ABCA6: variants seen among roughly 807,000 people sequenced by gnomAD.
ABCA6 encodes the protein ATP binding cassette subfamily A member 6.
A neutral mutation model predicts 191.2 loss-of-function variants in ABCA6; 164 were observed. The observed-to-expected ratio is 0.86, with a 90% CI of 0.76 to 0.98. ABCA6 has a LOEUF of 0.98. Among genes scored for constraint, ABCA6 ranks in the 50% least tolerant of loss-of-function variants. ABCA6 has a pLI of 0.00. For missense variants in ABCA6, 1,958 were observed against 1,894.1 expected (o/e 1.03, Z -0.63); for synonymous variants, 636 against 647.7 (o/e 0.98, Z 0.27).
intron 36 of ABCA6, among the ~76,000 whole-genome samples, chr17:69,081,827 G>A (rs1385011707): frequency 6.6e-6 from 1 of 152,200 alleles, no homozygotes; most frequent in Non-Finnish European, 1.5e-5. Flanking sequence ...AGAATAATAT[G>A]AGGTTGGGAG....
chr17:69,133,929 G>A, intron 5 of ABCA6, 62 bp from the exon 6 acceptor site: 1 of 1,140,030 alleles, frequency 8.8e-7, no homozygotes, highest in Non-Finnish European at 1.2e-6. Context: ...TGAACTATGA[G>A]TAAGCTCTGT....
At chr17:69,121,311 C>T (rs567523379) in intron 10 of ABCA6, among the ~76,000 whole-genome samples, 1 of 152,202 alleles carries the variant, frequency 6.6e-6, no homozygotes, top group East Asian at 1.9e-4. Context: ...GACTGCCTTG[C>T]AGCCCCAGAC....
chr17:69,129,214 A>G, intron 7 of ABCA6, among the ~76,000 whole-genome samples: 1 of 152,142 alleles, frequency 6.6e-6, no homozygotes, highest in Admixed American at 6.6e-5. Flanking sequence ...AACGAGAAGT[A>G]AGTATGAGAC....
chr17:69,139,390 C>T (rs1173976080), intron 2 of ABCA6, among the ~76,000 whole-genome samples: 2 of 152,138 alleles, frequency 1.3e-5, no homozygotes, highest in Non-Finnish European at 2.9e-5. Context: ...ATCAAAACCA[C>T]AATGAGATAC....
chr17:69,117,348 A>T (rs2073555657), intron 11 of ABCA6, among the ~76,000 whole-genome samples: 1 of 152,048 alleles, frequency 6.6e-6, no homozygotes, highest in African/African-American at 2.4e-5. Flanking sequence ...GTCCTCCATG[A>T]AATCTAGCTA....
chr17:69,114,853 A>T lies in ABCA6; in HGVS notation c.1691T>A (p.Phe564Tyr), dbSNP rs1454591882. The change falls in exon 13 of 39, where the codon TTC becomes TAC. Residue 564 changes from phenylalanine to tyrosine, a missense_variant. Physicochemically the swap from Phe to Tyr is conservative, Grantham distance 22. Transcript: ENST00000284425. ...GGTGAGTATGTCAAATTGAACATTGAATTGAGGACAGACGCCAGTTATCTT... is the reference window on the plus strand; with the variant it reads ...GGTGAGTATGTCAAATTGAACATTGTATTGAGGACAGACGCCAGTTATCTT... ...IRKITGVCPQFNVQFDILTVK... is the reference protein window; with the variant it reads ...IRKITGVCPQYNVQFDILTVK... 1 of 1,612,754 alleles carries T rather than the reference A, an allele frequency of 6.2e-7. No individual in the cohort carries two copies. The highest frequency in any genetic ancestry group is 8.5e-7 in the Non-Finnish European group (1 of 1,179,166).
chr17:69,098,271 C>T (rs1568007134), intron 22 of ABCA6: 4 of 406,162 alleles, frequency 9.8e-6, no homozygotes, highest in East Asian at 4.1e-5. Context: ...AGCAAGCTCT[C>T]GAAGAGATAC....
At chr17:69,108,408 C>T (rs978829308) in intron 17 of ABCA6, 3 of 152,044 alleles carry the variant, frequency 2.0e-5, no homozygotes, top group African/African-American at 2.4e-5. Context: ...AGCCAGACAC[C>T]AGTCATCACT....
At chr17:69,125,069 A>C (rs956915434) in intron 8 of ABCA6, 34 bp from the exon 9 acceptor site, 17 of 1,090,184 alleles carry the variant, frequency 1.6e-5, no homozygotes, top group Non-Finnish European at 2.1e-5. Context: ...AATGTTTAAA[A>C]TAAATAAATA....
chr17:69,128,882 A>C (rs2073807499), intron 7 of ABCA6, 78 bp from the exon 8 acceptor site: 4 of 1,146,330 alleles, frequency 3.5e-6, no homozygotes, highest in African/African-American at 1.6e-5. Context: ...CAATCAAATA[A>C]GGATTTTTAT....
chr17:69,081,441 G>T lies in ABCA6; in HGVS notation c.4617-296C>A, dbSNP rs112249794. ...TATTCCCTTTGATTAGTTCGAATTA[G>T]GTTGGGAATTAACCCCAAAATAAAT... On this transcript the variant is annotated intron_variant, in intron 36 of 38. Coordinates refer to ENST00000284425, the MANE Select transcript of ABCA6 (RefSeq NM_080284.3). Among the ~76,000 whole-genome samples the T allele has an allele frequency of 5.7e-3, 867 of 152,044 alleles. 8 individuals carry two copies. The highest frequency in any genetic ancestry group is 0.02 in the African/African-American group (820 of 41,470).
rs747788718 is a variant in ABCA6, at chr17:69,083,300, CTG to C, written c.4385_4386del (p.Thr1462ArgfsTer10). The C allele has an allele frequency of 3.7e-6, 6 of 1,602,226 alleles. No individual in the cohort carries two copies. In the African/African-American group the frequency reaches 6.8e-5, roughly 18 times the overall value. The part of the protein sequence containing the change: ...WQAIQAVVKN[T>X]ERGVLLTTHN... ...TGGGTGGTCAGGAGGACACCTCTCT[CTG>C]TGTTTTTAACGACTGCCTGGATTGC... On this transcript the variant is annotated frameshift_variant, in exon 35 of 39. Coordinates refer to ENST00000284425, the MANE Select transcript of ABCA6 (RefSeq NM_080284.3). LOFTEE classifies it high-confidence loss of function.
At chr17:69,106,299 A>T in intron 18 of ABCA6, 88 bp from the exon 19 acceptor site, 1 of 1,259,756 alleles carries the variant, frequency 7.9e-7, no homozygotes, top group Non-Finnish European at 1.1e-6. Context: ...AATATTAAAA[A>T]TAGTATTACA....
Position 69,091,680 on chromosome 17 carries a change from G to T in ABCA6, c.3409-418C>A, listed in dbSNP as rs1397008473. Among the ~76,000 whole-genome samples, 6 of 72,314 alleles carry T rather than the reference G, an allele frequency of 8.3e-5. 2 individuals carry two copies. Among genetic ancestry groups the T allele is most frequent in the African/African-American group, 4.4e-4 (6 of 13,488 alleles). 47.4% of individuals were successfully genotyped at this position (72,314 alleles called of 152,430 possible). ...TGGGACTACAGGCGCCCGCCACTAC[G>T]CCCGGCTAATTTTTTGTATTTTTAG... On this transcript the variant is annotated intron_variant, in intron 25 of 38. Coordinates refer to ENST00000284425, the MANE Select transcript of ABCA6 (RefSeq NM_080284.3).
At chr17:69,079,768 T>A (rs927817850) in intron 37 of ABCA6, among the ~76,000 whole-genome samples, 2 of 152,212 alleles carry the variant, frequency 1.3e-5, no homozygotes, top group Non-Finnish European at 2.9e-5. Flanking sequence ...CACTCTTAGA[T>A]GGCAGAAACA....
Position 69,107,809 on chromosome 17 carries a change from A to G in ABCA6, c.2276T>C (p.Leu759Pro). 2.5e-6 allele frequency: 4 copies of G among 1,591,546 alleles called. No individual in the cohort carries two copies. Among genetic ancestry groups the G allele is most frequent in the Non-Finnish European group, 3.4e-6 (4 of 1,163,254 alleles). ...PLERTNTFPDLFSDLDKCSDQ... is the reference protein window; with the variant it reads ...PLERTNTFPDPFSDLDKCSDQ... The stretch of plus-strand genomic sequence containing the variant: ...AGAACACTTATCCAGATCACTGAAA[A>G]GATCTAAGGCAAAAAAATATGAATA... The change falls in exon 18 of 39, where the codon CTT (leucine) becomes CCT (proline). Residue 759 changes from leucine (L) to proline (P), a missense_variant. Leu to Pro is a moderately conservative substitution (Grantham distance 98). Coordinates refer to ENST00000284425, the MANE Select transcript of ABCA6 (RefSeq NM_080284.3).
At position 69,102,864 on chromosome 17, in the gene ABCA6, C is replaced by T. The variant is rs143999890; in HGVS notation, c.2845G>A (p.Gly949Arg). The T allele has an allele frequency of 1.3e-6, 2 of 1,590,096 alleles. No homozygotes were observed. Among genetic ancestry groups the T allele is most frequent in the African/African-American group, 1.4e-5 (1 of 73,496 alleles). Reference sequence around the variant, plus strand: ...TGTTTACCAGAAACTATGATAGCTCCATTGTATGAGAGGCCATCAGTACCA... The same window carrying T: ...TGTTTACCAGAAACTATGATAGCTCTATTGTATGAGAGGCCATCAGTACCA... ...RNGTDGLSYNGAIIVSGKQKD... is the reference protein window; with the variant it reads ...RNGTDGLSYNRAIIVSGKQKD... Residue 949 changes from glycine to arginine, a missense_variant, in exon 21 of 39, where the codon GGA (glycine) becomes AGA (arginine). Transcript: ENST00000284425.
At chr17:69,098,250 A>T (rs1344315057) in intron 22 of ABCA6, 5 of 434,750 alleles carry the variant, frequency 1.2e-5, no homozygotes, top group African/African-American at 8.2e-5. Context: ...GATATTTCCA[A>T]AAGAATTGAA....
At chr17:69,137,887 G>A (rs942946176) in intron 2 of ABCA6, among the ~76,000 whole-genome samples, 5 of 152,120 alleles carry the variant, frequency 3.3e-5, no homozygotes, top group Non-Finnish European at 7.4e-5. Context: ...TCATATCCTT[G>A]TATTGTAAAC....
Sources: gnomAD v4.1 joint callset for allele counts (sites outside exome capture counted in the v4.1 genomes callset) on GRCh38, gnomAD v4.1.1 for gene constraint, MANE v1.5 for transcripts, NCBI Gene and HGNC (gene_info 2026-07-23, HGNC 2026-07-21) for gene names.